Variants in DNAH8 observed in about 807,000 individuals in gnomAD.
DNAH8 encodes dynein axonemal heavy chain 8, also known as axonemal beta dynein heavy chain 8.
In DNAH8, 382 loss-of-function variants were observed where a neutral mutation model predicts 562.1. The ratio of observed to expected loss-of-function variants is 0.68; its 90% CI spans 0.63 to 0.74. DNAH8 has a LOEUF of 0.74. Ranked by LOEUF, DNAH8 falls within the 30% of genes least tolerant of loss-of-function variation. The probability of loss-of-function intolerance (pLI) is 0.00; values close to 1 mark genes in which losing one functional copy is unlikely to be tolerated. For missense variants in DNAH8, 5,203 were observed against 5,620.4 expected (o/e 0.93, Z 2.37); for synonymous variants, 1,881 against 1,919.4 (o/e 0.98, Z 0.52).
intron 79 of DNAH8, among the ~76,000 whole-genome samples, chr6:38,943,272 A>T (rs777033753): frequency 3.9e-5 from 6 of 152,224 alleles, no homozygotes; most frequent in Non-Finnish European, 5.9e-5. Context: ...AAAACATAAC[A>T]TTTGTTTTAG....
chr6:38,735,239 T>A (rs1351733734), intron 5 of DNAH8, among the ~76,000 whole-genome samples: 1 of 152,224 alleles, frequency 6.6e-6, no homozygotes, highest in Non-Finnish European at 1.5e-5. Context: ...TGACATACAG[T>A]AGGCTCTCGA....
rs535657394 is a variant in DNAH8, at chr6:38,846,609, T to G, written c.5045+836T>G. 3.4e-4 allele frequency among the ~76,000 whole-genome samples: 52 copies of G among 152,078 alleles called. 1 individual carries two copies. Among genetic ancestry groups the G allele is most frequent in the Non-Finnish European group, 6.0e-4 (41 of 68,014 alleles). On this transcript the variant is annotated intron_variant, in intron 36 of 92. Coordinates refer to ENST00000327475, the MANE Select transcript of DNAH8 (RefSeq NM_001206927.2). Reference sequence around the variant, plus strand: ...GAGTTCTGGGTTGAATATATAAAGGTCAAGGTCCTCGGATGCATCCTCTGT... The same window carrying G: ...GAGTTCTGGGTTGAATATATAAAGGGCAAGGTCCTCGGATGCATCCTCTGT...
chr6:38,971,133 T>C (rs1204094104), intron 82 of DNAH8, among the ~76,000 whole-genome samples: 1 of 152,224 alleles, frequency 6.6e-6, no homozygotes, highest in African/African-American at 2.4e-5. Context: ...GAAAACACTG[T>C]GAGCCTGATA....
chr6:38,948,294 G>C (rs1761598621), intron 80 of DNAH8, among the ~76,000 whole-genome samples: 1 of 152,016 alleles, frequency 6.6e-6, no homozygotes, highest in Non-Finnish European at 1.5e-5. Context: ...TTTGCTATTT[G>C]CTATTACTGC....
chr6:38,853,302 T>C lies in DNAH8; in HGVS notation c.5688T>C (p.Asp1896=). Reference sequence around the variant, plus strand: ...GATCCGCTTTCTATCAAATCAGTGATTCAGGATTTCAACTCTTACCATTCC... The same window carrying C: ...GATCCGCTTTCTATCAAATCAGTGACTCAGGATTTCAACTCTTACCATTCC... ...IIRSAFYQIS[D]SGFQLLPFLS... The change falls in exon 41 of 93, where the codon GAT becomes GAC. Residue 1896 remains aspartate, a synonymous_variant. Transcript: ENST00000327475. 6.2e-7 allele frequency: 1 copy of C among 1,613,588 alleles called. No homozygotes were observed.
chr6:38,772,156 G>A (rs1273177513), intron 12 of DNAH8, among the ~76,000 whole-genome samples: 1 of 151,112 alleles, frequency 6.6e-6, no homozygotes, highest in Non-Finnish European at 1.5e-5. Context: ...AGCCTCCCGA[G>A]TAGCTGGGAC....
At position 38,894,719 on chromosome 6, in the gene DNAH8, C is replaced by T; in HGVS notation, c.8602C>T (p.Pro2868Ser). ...TCTCTAGGTGAAGATGCTGCCAACT[C>T]CTTCTAAATTTCATTACATCTTCAA... is the stretch of plus-strand genomic sequence containing the variant. ...QWTKVKMLPT[P>S]SKFHYIFNLR... Residue 2868 changes from proline (P) to serine (S), a missense_variant, in exon 59 of 93, where the codon CCT (proline) becomes TCT (serine). Physicochemically the swap from Pro to Ser is moderately conservative, Grantham distance 74. Coordinates refer to ENST00000327475, the MANE Select transcript of DNAH8 (RefSeq NM_001206927.2). 1 of 1,613,756 alleles carries T rather than the reference C, an allele frequency of 6.2e-7. No individual in the cohort carries two copies. The highest frequency in any genetic ancestry group is 8.5e-7 in the Non-Finnish European group (1 of 1,179,820).
At chr6:38,793,641 A>G (rs945846566) in intron 21 of DNAH8, among the ~76,000 whole-genome samples, 15 of 152,116 alleles carry the variant, frequency 9.9e-5, no homozygotes, top group Non-Finnish European at 1.0e-4. Context: ...AATTGTAACT[A>G]TTAATTAATA....
chr6:38,970,520 T>G lies in DNAH8; in HGVS notation c.12452-1072T>G, dbSNP rs1337396313. Among the ~76,000 whole-genome samples the G allele has an allele frequency of 1.3e-5, 2 of 152,184 alleles. 1 individual carries two copies. The highest frequency in any genetic ancestry group is 4.8e-5 in the African/African-American group (2 of 41,430). On this transcript the variant is annotated intron_variant, in intron 82 of 92. Transcript: ENST00000327475. The stretch of plus-strand genomic sequence containing the variant: ...GCTCTCATTGCAAAGTGTCTCCCTG[T>G]GACCCTGAGCCCACGAATAATCCCT...
At chr6:38,765,256 C>G (rs1380393433) in intron 11 of DNAH8, among the ~76,000 whole-genome samples, 1 of 152,210 alleles carries the variant, frequency 6.6e-6, no homozygotes, top group African/African-American at 2.4e-5. Flanking sequence ...GTCTTCCAGT[C>G]TAGAGGTTGT....
At chr6:38,949,948 C>T (rs763362485) in intron 81 of DNAH8, among the ~76,000 whole-genome samples, 3 of 151,798 alleles carry the variant, frequency 2.0e-5, no homozygotes, top group Non-Finnish European at 4.4e-5. Flanking sequence ...AAAAACAGAC[C>T]TCACAAAGTT....
At chr6:38,797,640 C>G (rs777074392) in intron 21 of DNAH8, among the ~76,000 whole-genome samples, 5 of 152,054 alleles carry the variant, frequency 3.3e-5, no homozygotes, top group South Asian at 2.1e-4. Context: ...TTTACTACGC[C>G]GCTGCAAAGT....
chr6:38,842,864 C>T lies in DNAH8; in HGVS notation c.4806C>T (p.Ile1602=). 1 of 1,613,708 alleles carries T rather than the reference C, an allele frequency of 6.2e-7. No homozygotes were observed. Residue 1602 remains isoleucine, a synonymous_variant, in exon 35 of 93, where the codon ATC becomes ATT. Transcript: ENST00000327475. ...VESDSFCLRN[I]MEAPLLKHKD... ...CTGATTCTTTTTGCCTTAGAAATAT[C>T]ATGGAAGCACCACTCCTTAAACATA...
chr6:38,824,654 C>G (rs916750310), intron 28 of DNAH8, among the ~76,000 whole-genome samples: 7 of 152,148 alleles, frequency 4.6e-5, no homozygotes, highest in Non-Finnish European at 5.9e-5. Context: ...AACTGTGGCT[C>G]TTGAATTTGG....
In DNAH8 at chr6:38,813,481, AAG is replaced by A. The variant is rs1257344936; in HGVS notation, c.3258-569_3258-568del. On this transcript the variant is annotated intron_variant, in intron 24 of 92. Coordinates refer to ENST00000327475, the MANE Select transcript of DNAH8 (RefSeq NM_001206927.2). ...GGTATTTCTTGCACTCCCAGAGAAA[AAG>A]AGAATGGACAGTTTACATTTATTAT... 3.3e-5 allele frequency among the ~76,000 whole-genome samples: 5 copies of A among 152,212 alleles called. No homozygotes were observed. The South Asian group carries it at 8.3e-4, about 25-fold the overall frequency.
At chr6:38,922,945 A>G (rs1173046647) in intron 71 of DNAH8, 113 bp from the exon 72 acceptor site, 2 of 1,090,788 alleles carry the variant, frequency 1.8e-6, no homozygotes, top group East Asian at 4.9e-5. Context: ...TTTAGGTTAT[A>G]TTATTTTGCA....
chr6:38,830,831 A>G (rs902623257), intron 30 of DNAH8, among the ~76,000 whole-genome samples: 3 of 152,310 alleles, frequency 2.0e-5, no homozygotes, highest in African/African-American at 7.2e-5. Context: ...GCTTGTGACT[A>G]TAGCTCCACT....
chr6:38,853,747 A>G (rs1235948833), intron 41 of DNAH8, among the ~76,000 whole-genome samples: 2 of 152,068 alleles, frequency 1.3e-5, no homozygotes, highest in Non-Finnish European at 2.9e-5. Flanking sequence ...TAACCTACCA[A>G]TCATAAGCTT....
chr6:38,955,490 G>A (rs1265305496), intron 82 of DNAH8, among the ~76,000 whole-genome samples: 1 of 151,962 alleles, frequency 6.6e-6, no homozygotes, highest in African/African-American at 2.4e-5. Flanking sequence ...AATTAGCTGG[G>A]TGTGGTGGCG....
Sources: allele counts gnomAD v4.1 joint callset (sites outside exome capture counted in the v4.1 genomes callset), GRCh38; gene constraint gnomAD v4.1.1; transcripts MANE v1.5; gene names NCBI Gene and HGNC (gene_info 2026-07-23, HGNC 2026-07-21).